Variants in WWP1 observed in about 807,000 individuals in gnomAD.
The protein encoded by WWP1 is WW domain containing E3 ubiquitin protein ligase 1, also known as NEDD4-like E3 ubiquitin-protein ligase WWP1.
A neutral mutation model predicts 130.6 loss-of-function variants in WWP1; 49 were observed. The observed-to-expected ratio is 0.38, with a 90% CI of 0.30 to 0.48. The LOEUF is 0.48. Among genes scored for constraint, WWP1 ranks in the 20% least tolerant of loss-of-function variants. The pLI is 0.99. For synonymous variants in WWP1, 332 were observed against 367.8 expected (o/e 0.90, Z 1.11); for missense variants, 809 against 1,100.6 (o/e 0.74, Z 3.75).
In WWP1 at chr8:86,411,698, T is replaced by C. The variant is rs892006718; in HGVS notation, c.885T>C (p.Cys295=). The change falls in exon 9 of 25, where the codon TGT becomes TGC. Residue 295 remains cysteine, a synonymous_variant. Coordinates refer to ENST00000517970, the MANE Select transcript of WWP1 (RefSeq NM_007013.4). ...EILTSSENNE[C]IPSTSAELES... Reference sequence around the variant, plus strand: ...TGACTTCCTCAGAAAACAATGAATGTATTCCTTCTACCAGTGCAGAATTGG... The same window carrying C: ...TGACTTCCTCAGAAAACAATGAATGCATTCCTTCTACCAGTGCAGAATTGG... 6.2e-7 allele frequency: 1 copy of C among 1,614,214 alleles called. No homozygotes were observed. The highest frequency in any genetic ancestry group is 8.5e-7 in the Non-Finnish European group (1 of 1,180,032).
intron 21 of WWP1, among the ~76,000 whole-genome samples, chr8:86,454,500 A>G (rs1811336579): frequency 6.6e-6 from 1 of 152,122 alleles, no homozygotes; most frequent in Admixed American, 6.6e-5. Flanking sequence ...AACATATTAG[A>G]AGATTAGCAT....
chr8:86,443,439 A>G (rs1168493916), intron 18 of WWP1, among the ~76,000 whole-genome samples: 1 of 152,192 alleles, frequency 6.6e-6, no homozygotes, highest in Non-Finnish European at 1.5e-5. Flanking sequence ...TGGAATTTTA[A>G]GCGCTTTGCA....
chr8:86,466,317 T>C (rs9297913), intron 24 of WWP1, among the ~76,000 whole-genome samples: 22,493 of 152,096 alleles, frequency 0.15, 1,805 homozygotes, highest in Non-Finnish European at 0.19. Flanking sequence ...AAGAAACATA[T>C]ATATTTGTTA....
At chr8:86,428,397 C>G (rs1004740018) in intron 11 of WWP1, among the ~76,000 whole-genome samples, 3 of 152,100 alleles carry the variant, frequency 2.0e-5, no homozygotes, top group African/African-American at 7.2e-5. Flanking sequence ...AACAAAACTC[C>G]TCTGATAAAT....
At chr8:86,430,593 G>T in intron 11 of WWP1, 104 bp from the exon 12 acceptor site, 1 of 960,240 alleles carries the variant, frequency 1.0e-6, no homozygotes, top group East Asian at 4.1e-5. Flanking sequence ...CATATTTTTA[G>T]AAAATTATTA....
At chr8:86,413,085 C>T (rs1202500260) in intron 9 of WWP1, among the ~76,000 whole-genome samples, 2 of 152,154 alleles carry the variant, frequency 1.3e-5, no homozygotes, top group African/African-American at 4.8e-5. Flanking sequence ...CCTTGCTTCC[C>T]AAAGTGCTGG....
intron 5 of WWP1, among the ~76,000 whole-genome samples, chr8:86,389,156 CTT>C (rs1156349491): frequency 4.5e-5 from 6 of 133,094 alleles, no homozygotes; most frequent in Admixed American, 7.5e-5. Flanking sequence ...TATGTGGTTT[CTT>C]TTTTTTTTTT....
chr8:86,359,113 G>A (rs1586251791), intron 1 of WWP1, among the ~76,000 whole-genome samples: 1 of 152,214 alleles, frequency 6.6e-6, no homozygotes, highest in Middle Eastern at 3.4e-3. Context: ...GCCAGATTGG[G>A]GACAATTGGC....
At position 86,427,035 on chromosome 8, in the gene WWP1, C is replaced by T. The variant is rs369366795; in HGVS notation, c.1158-608C>T. ...AAAATTAGCTGGGCATGGTGGTCTG[C>T]GCCTGTAATCCCAGCTACCCAGGAG... On this transcript the variant is annotated intron_variant, in intron 10 of 24. Coordinates refer to ENST00000517970, the MANE Select transcript of WWP1 (RefSeq NM_007013.4). Among the ~76,000 whole-genome samples the T allele has an allele frequency of 4.5e-4, 68 of 152,074 alleles. No homozygotes were observed. In the East Asian group the frequency reaches 0.011, roughly 24 times the overall value.
At chr8:86,348,116 T>C (rs747969019) in intron 1 of WWP1, among the ~76,000 whole-genome samples, 1 of 152,270 alleles carries the variant, frequency 6.6e-6, no homozygotes, top group Non-Finnish European at 1.5e-5. Flanking sequence ...GAATGTATAA[T>C]GTAAAACCAT....
chr8:86,393,284 G>A (rs1230028412), intron 5 of WWP1, among the ~76,000 whole-genome samples: 2 of 151,974 alleles, frequency 1.3e-5, no homozygotes, highest in Non-Finnish European at 2.9e-5. Context: ...TCGGCTCACT[G>A]CAACCTCCAT....
At chr8:86,463,840 C>T (rs1026900879) in intron 24 of WWP1, among the ~76,000 whole-genome samples, 2 of 151,858 alleles carry the variant, frequency 1.3e-5, no homozygotes, top group East Asian at 2.0e-4. Flanking sequence ...GTGGGAGGAT[C>T]GCTTGAGCTC....
At position 86,381,568 on chromosome 8, in the gene WWP1, T is replaced by C; in HGVS notation, c.273T>C (p.Asp91=). 1 of 1,610,930 alleles carries C rather than the reference T, an allele frequency of 6.2e-7. No individual in the cohort carries two copies. Among genetic ancestry groups the C allele is most frequent in the Non-Finnish European group, 8.5e-7 (1 of 1,179,300 alleles). ...QVWSHRTLKA[D]ALLGKATIDL... is the part of the protein sequence containing the mutation. Reference sequence around the variant, plus strand: ...GGAGCCATCGCACTTTAAAAGCAGATGCTTTATTAGGAAAAGCAACGATAG... The same window carrying C: ...GGAGCCATCGCACTTTAAAAGCAGACGCTTTATTAGGAAAAGCAACGATAG... Residue 91 remains aspartate, a synonymous_variant, in exon 5 of 25, where the codon GAT becomes GAC. Transcript: ENST00000517970.
At chr8:86,425,516 G>A (rs555636689) in intron 10 of WWP1, among the ~76,000 whole-genome samples, 198 bp downstream of exon 10, 1 of 152,246 alleles carries the variant, frequency 6.6e-6, no homozygotes, top group East Asian at 1.9e-4. Context: ...TCAAGCATTG[G>A]CATGAGTTAC....
chr8:86,390,037 C>T (rs1825552182), intron 5 of WWP1, among the ~76,000 whole-genome samples: 1 of 151,024 alleles, frequency 6.6e-6, no homozygotes, highest in Non-Finnish European at 1.5e-5. Context: ...CTGGCAGAGA[C>T]ACTCCTCAGA....
chr8:86,353,261 G>T (rs1417217507), intron 1 of WWP1, among the ~76,000 whole-genome samples: 2 of 152,034 alleles, frequency 1.3e-5, no homozygotes, highest in African/African-American at 2.4e-5. Context: ...TGACACCTAC[G>T]GGCTACTTCA....
Position 86,431,610 on chromosome 8 carries a change from T to G in WWP1, c.1473-5T>G. 5 of 1,613,206 alleles carry G rather than the reference T, an allele frequency of 3.1e-6. No individual in the cohort carries two copies. The highest frequency in any genetic ancestry group is 4.2e-6 in the Non-Finnish European group (5 of 1,179,772). ...TCATCTTGTGATTTTAACTTTATCT[T>G]TTAGCTTACAGAATGAAGAACCCCT... On this transcript the variant is annotated splice_polypyrimidine_tract_variant and splice_region_variant and intron_variant, in intron 13 of 24. Coordinates refer to ENST00000517970, the MANE Select transcript of WWP1 (RefSeq NM_007013.4).
intron 5 of WWP1, among the ~76,000 whole-genome samples, chr8:86,395,130 A>G (rs1278930087): frequency 6.6e-6 from 1 of 152,130 alleles, no homozygotes; most frequent in African/African-American, 2.4e-5. Context: ...CCACTGTAAA[A>G]TTAGGACGTA....
intron 9 of WWP1, among the ~76,000 whole-genome samples, chr8:86,421,744 A>T (rs1221812711): frequency 6.6e-6 from 1 of 152,140 alleles, no homozygotes; most frequent in Non-Finnish European, 1.5e-5. Context: ...GAATGGTGTG[A>T]ACCCGGGAGG....
Sources: allele counts gnomAD v4.1 joint callset (sites outside exome capture counted in the v4.1 genomes callset), GRCh38; gene constraint gnomAD v4.1.1; transcripts MANE v1.5; gene names NCBI Gene and HGNC (gene_info 2026-07-23, HGNC 2026-07-21).